The following LRFN3 variants were observed in gnomAD, a reference collection of about 807,000 sequenced individuals.
LRFN3 encodes leucine-rich repeat and fibronectin type-III domain-containing protein 3.
In LRFN3, 8 loss-of-function variants were observed where a neutral mutation model predicts 23.8. The observed-to-expected ratio is 0.34, with a 90% confidence interval of 0.20 to 0.61. The LOEUF (loss-of-function observed/expected upper bound fraction) is 0.61. Ranked by LOEUF, LRFN3 falls within the 20% of genes least tolerant of loss-of-function variation. LRFN3 has a pLI of 0.80. For synonymous variants in LRFN3, 451 were observed against 450.6 expected, an observed-to-expected ratio of 1.00 and a Z score of -0.01; for missense variants, 736 against 935.3, an observed-to-expected ratio of 0.79 and a Z score of 2.78.
At position 35,944,963 on chromosome 19, in the gene LRFN3, G is replaced by T. The variant is rs181219543; in HGVS notation, c.1831G>T (p.Val611Leu). The T allele has an allele frequency of 1.6e-5, 23 of 1,441,018 alleles. No homozygotes were observed. In the East Asian group the frequency reaches 6.2e-4, roughly 39 times the overall value. 89.3% of individuals were successfully genotyped at this position (1,441,018 alleles called of 1,614,324 possible). The stretch of plus-strand genomic sequence containing the variant: ...GCCCGCGGCGCTCAGGGCCCACACC[G>T]TGGTCCAGCTGGACTGCGAGCCCTG... Reference protein sequence around the residue: ...PEPAALRAHTVVQLDCEPWGP... With the variant: ...PEPAALRAHTLVQLDCEPWGP... Residue 611 changes from valine to leucine, a missense_variant, in exon 3 of 3, where the codon GTG (valine) becomes TTG (leucine). Physicochemically the swap from Val to Leu is conservative, Grantham distance 32. This residue lies in a region of LRFN3 where 290 missense variants were observed against 287.4 expected (regional missense o/e 1.01). Transcript: ENST00000246529. The surrounding 1 kb of genome is among the most constrained non-coding windows in gnomAD (Gnocchi z 4.5).
At chr19:35,942,517 G>A (rs566030108) in intron 2 of LRFN3, among the ~76,000 whole-genome samples, 18 of 152,242 alleles carry the variant, frequency 1.2e-4, no homozygotes, top group African/African-American at 1.7e-4. Flanking sequence ...GGCCAAGGGT[G>A]CAGCCCCAAG....
chr19:35,939,506 A>T lies in LRFN3; in HGVS notation c.81A>T (p.Pro27=). 6.2e-7 allele frequency: 1 copy of T among 1,606,102 alleles called. No homozygotes were observed. The highest frequency in any genetic ancestry group is 8.5e-7 in the Non-Finnish European group (1 of 1,179,088). ...CACCCCAGTCAGCCACACCCAGCCC[A>T]TGTCCCCGCCGCTGCCGCTGCCAGA... ...SSPPQSATPS[P]CPRRCRCQTQ... Residue 27 remains proline, a synonymous_variant, in exon 2 of 3, where the codon CCA becomes CCT. Transcript: ENST00000246529. This position sits in a 1 kb window ranked among gnomAD's most constrained non-coding sequence, Gnocchi z 6.4.
rs774405702 is a variant in LRFN3 at position 35,944,701 on chromosome 19, G to C, written c.1569G>C (p.Ala523=). The C allele has an allele frequency of 5.8e-5, 93 of 1,604,058 alleles. 2 individuals carry two copies. The South Asian group carries it at 9.8e-4, about 17-fold the overall frequency. Residue 523 remains alanine (A), a synonymous_variant, in exon 3 of 3, where the codon GCG becomes GCC. Transcript: ENST00000246529. The surrounding 1 kb of genome is among the most constrained non-coding windows in gnomAD (Gnocchi z 4.5). ...GCGCCCGCTTCTCCACCGAACCTGCGCTGCGGCCATGCGGGGCGCCGCACG... is the reference window on the plus strand; with the variant it reads ...GCGCCCGCTTCTCCACCGAACCTGCCCTGCGGCCATGCGGGGCGCCGCACG... ...VGCARFSTEP[A]LRPCGAPHAP...
In LRFN3 at chr19:35,945,192, C is replaced by A; in HGVS notation, c.*173C>A. The A allele has an allele frequency of 2.1e-6, 1 of 476,534 alleles. No homozygotes were observed. Among genetic ancestry groups the A allele is most frequent in the Non-Finnish European group, 3.6e-6 (1 of 275,792 alleles). The allele number at this position is 476,534 out of a possible 1,614,324, so 29.5% of individuals were successfully genotyped here. A position where few individuals can be genotyped will look rare whatever the true frequency, so the allele number is the denominator to read the frequency against. On this transcript the variant is annotated 3_prime_UTR_variant, in exon 3 of 3. Transcript: ENST00000246529. Reference sequence around the variant, plus strand: ...AAAGTCCTATTTTTCCAAGCTTGGGCGAAGACCCTTGCCCTCGTCTCTGTC... The same window carrying A: ...AAAGTCCTATTTTTCCAAGCTTGGGAGAAGACCCTTGCCCTCGTCTCTGTC...
In LRFN3 at chr19:35,944,151, C is replaced by G. The variant is rs1230281228; in HGVS notation, c.1416-397C>G. Reference sequence around the variant, plus strand: ...GCTGCAGTGAGCTGTGATCATGCCACTGCACTCCAGCTTGGGCAACAGAGC... The same window carrying G: ...GCTGCAGTGAGCTGTGATCATGCCAGTGCACTCCAGCTTGGGCAACAGAGC... On this transcript the variant is annotated intron_variant, in intron 2 of 2. Coordinates refer to ENST00000246529, the MANE Select transcript of LRFN3 (RefSeq NM_024509.2). This position sits in a 1 kb window ranked among gnomAD's most constrained non-coding sequence, Gnocchi z 4.5. 3.9e-5 allele frequency among the ~76,000 whole-genome samples: 6 copies of G among 152,310 alleles called. No individual in the cohort carries two copies. In the East Asian group the frequency reaches 7.7e-4, roughly 20 times the overall value.
intron 2 of LRFN3, among the ~76,000 whole-genome samples, chr19:35,943,991 A>T (rs1350877780): frequency 6.6e-6 from 1 of 152,148 alleles, no homozygotes; most frequent in Admixed American, 6.6e-5. Context: ...GGAGTTTGAG[A>T]CCAGCCTGGG....
chr19:35,944,632 T>C lies in LRFN3; in HGVS notation c.1500T>C (p.Tyr500=). 6.3e-7 allele frequency: 1 copy of C among 1,578,190 alleles called. No homozygotes were observed. The highest frequency in any genetic ancestry group is 8.6e-7 in the Non-Finnish European group (1 of 1,167,958). The change falls in exon 3 of 3, where the codon TAT becomes TAC. Residue 500 remains tyrosine, a synonymous_variant. Coordinates refer to ENST00000246529, the MANE Select transcript of LRFN3 (RefSeq NM_024509.2). The surrounding 1 kb of genome is among the most constrained non-coding windows in gnomAD (Gnocchi z 4.5). ...RTYDLCVLAV[Y]EDSATGLTAT... ...ACGATCTGTGCGTGCTCGCCGTGTA[T>C]GAGGACAGCGCCACGGGGCTCACGG... is the stretch of plus-strand genomic sequence containing the variant.
rs1027780834 is a variant in LRFN3, at chr19:35,945,029, C to T, written c.*10C>T. 1 of 1,361,638 alleles carries T rather than the reference C, an allele frequency of 7.3e-7. No individual in the cohort carries two copies. Among genetic ancestry groups the T allele is most frequent in the Non-Finnish European group, 9.4e-7 (1 of 1,061,250 alleles). The allele number at this position is 1,361,638 out of a possible 1,614,324, so 84.3% of individuals were successfully genotyped here. On this transcript the variant is annotated 3_prime_UTR_variant, in exon 3 of 3. Coordinates refer to ENST00000246529, the MANE Select transcript of LRFN3 (RefSeq NM_024509.2). ...ACCTGTGGGACCCTAGCCAGGCGCC[C>T]CCCCCTCTAAGGGTCCTCTGGCCCC...
intron 2 of LRFN3, 102 bp downstream of exon 2, chr19:35,940,942 G>A (rs1976114274): frequency 1.6e-5 from 22 of 1,391,862 alleles, no homozygotes; most frequent in Non-Finnish European, 2.1e-5. Flanking sequence ...CAACTGATAA[G>A]TGATGCTGGA....
At position 35,937,183 on chromosome 19, in the gene LRFN3, G is replaced by C. The variant is rs1269176960; in HGVS notation, c.-389G>C. 6.6e-6 allele frequency: 1 copy of C among 152,078 alleles called. No homozygotes were observed. Among genetic ancestry groups the C allele is most frequent in the African/African-American group, 2.4e-5 (1 of 41,406 alleles). 9.4% of individuals were successfully genotyped at this position (152,078 alleles called of 1,614,324 possible). A position where few individuals can be genotyped will look rare whatever the true frequency, so the allele number is the denominator to read the frequency against. On this transcript the variant is annotated 5_prime_UTR_variant, in exon 1 of 3. Coordinates refer to ENST00000246529, the MANE Select transcript of LRFN3 (RefSeq NM_024509.2). ...GCTGCAGACCTGAGTGCTTAAATCT[G>C]GGGCTTGAGACCTCCCAATCTTGAC...
Position 35,944,473 on chromosome 19 carries a change from A to G in LRFN3, c.1416-75A>G, listed in dbSNP as rs1976153224. ...GGACTGGTGGGAAGTCTAGCCCCGCAGGGAGTTTGGTGGGGGAAGCACAGG... is the reference window on the plus strand; with the variant it reads ...GGACTGGTGGGAAGTCTAGCCCCGCGGGGAGTTTGGTGGGGGAAGCACAGG... On this transcript the variant is annotated intron_variant, in intron 2 of 2. Coordinates refer to ENST00000246529, the MANE Select transcript of LRFN3 (RefSeq NM_024509.2). The surrounding 1 kb of genome is among the most constrained non-coding windows in gnomAD (Gnocchi z 4.5). 2.9e-6 allele frequency: 3 copies of G among 1,037,730 alleles called. No individual in the cohort carries two copies. The highest frequency in any genetic ancestry group is 2.6e-6 in the Non-Finnish European group (2 of 763,148). The allele number at this position is 1,037,730 out of a possible 1,614,324, so 64.3% of individuals were successfully genotyped here. A position where few individuals can be genotyped will look rare whatever the true frequency, so the allele number is the denominator to read the frequency against.
rs145812907 is a variant in LRFN3, at chr19:35,939,572, C to T, written c.147C>T (p.Gly49=). 7.7e-5 allele frequency: 124 copies of T among 1,608,552 alleles called. No individual in the cohort carries two copies. The African/African-American group carries it at 1.5e-3, about 19-fold the overall frequency. ...LPLSVLCPGA[G]LLFVPPSLDR... The stretch of plus-strand genomic sequence containing the variant: ...TAAGCGTGCTGTGCCCAGGGGCAGG[C>T]CTCCTGTTCGTGCCACCCTCGCTGG... Residue 49 remains glycine (G), a synonymous_variant, in exon 2 of 3, where the codon GGC becomes GGT. Transcript: ENST00000246529. The surrounding 1 kb of genome is among the most constrained non-coding windows in gnomAD (Gnocchi z 6.4).
intron 1 of LRFN3, among the ~76,000 whole-genome samples, chr19:35,938,997 T>TG (rs1357159220): frequency 3.3e-5 from 5 of 152,192 alleles, no homozygotes; most frequent in Non-Finnish European, 7.3e-5. Context: ...CACGCTCTGT[T>TG]GCCCAGGCTG....
chr19:35,945,094 C>T lies in LRFN3; in HGVS notation c.*75C>T. The T allele has an allele frequency of 1.2e-6, 1 of 851,556 alleles. No homozygotes were observed. Among genetic ancestry groups the T allele is most frequent in the Non-Finnish European group, 1.7e-6 (1 of 605,226 alleles). The allele number at this position is 851,556 out of a possible 1,614,324, so 52.8% of individuals were successfully genotyped here. On this transcript the variant is annotated 3_prime_UTR_variant, in exon 3 of 3. Coordinates refer to ENST00000246529, the MANE Select transcript of LRFN3 (RefSeq NM_024509.2). ...CCGGACACCCTGTGGGACCTGGCCT[C>T]AAACTCACCAAATCGCTCATGGTTT... is the stretch of plus-strand genomic sequence containing the variant.
chr19:35,939,360 G>C lies in LRFN3; in HGVS notation c.-16-50G>C, dbSNP rs533333453. 1.1e-5 allele frequency: 17 copies of C among 1,516,168 alleles called. No homozygotes were observed. The East Asian group carries it at 3.4e-4, about 30-fold the overall frequency. 93.9% of individuals were successfully genotyped at this position (1,516,168 alleles called of 1,614,324 possible). On this transcript the variant is annotated intron_variant, in intron 1 of 2. Coordinates refer to ENST00000246529, the MANE Select transcript of LRFN3 (RefSeq NM_024509.2). The surrounding 1 kb of genome is among the most constrained non-coding windows in gnomAD (Gnocchi z 6.4). ...CTCTCCTGGTCTCAGACCACCCCCA[G>C]CCCCTGCAGAACCCCTCTTCTGCCC...
Position 35,941,854 on chromosome 19 carries a change from G to A in LRFN3, c.1415+1014G>A, listed in dbSNP as rs7253501. ...CTCCCAAAGTGCTGGGATTACAGGC[G>A]TGAACCACCACACCCAGTGTAGATT... On this transcript the variant is annotated intron_variant, in intron 2 of 2. Coordinates refer to ENST00000246529, the MANE Select transcript of LRFN3 (RefSeq NM_024509.2). 2.1e-3 allele frequency among the ~76,000 whole-genome samples: 321 copies of A among 150,300 alleles called. 1 individual carries two copies. Among genetic ancestry groups the A allele is most frequent in the African/African-American group, 6.2e-3 (252 of 40,742 alleles).
rs1444378842 is a variant in LRFN3, at chr19:35,946,447, G to C, written c.*1428G>C. Among the ~76,000 whole-genome samples, 1 of 151,890 alleles carries C rather than the reference G, an allele frequency of 6.6e-6. No homozygotes were observed. Among genetic ancestry groups the C allele is most frequent in the Non-Finnish European group, 1.5e-5 (1 of 67,992 alleles). ...AGCCTCCTGAATTGCTGGGATTACA[G>C]GCATGAGCCACTGCCCCTGGCTAGG... is the stretch of plus-strand genomic sequence containing the variant. On this transcript the variant is annotated 3_prime_UTR_variant, in exon 3 of 3. Coordinates refer to ENST00000246529, the MANE Select transcript of LRFN3 (RefSeq NM_024509.2).
Position 35,939,873 on chromosome 19 carries a change from G to T in LRFN3, c.448G>T (p.Ala150Ser). ...CCAGCTGGCAGCGCTGGCGGCCGGC[G>T]CCCTGGATGATTGTGCCGAGACACT... ...NNQLAALAAG[A>S]LDDCAETLED... Residue 150 changes from alanine (A) to serine (S), a missense_variant, in exon 2 of 3, where the codon GCC (alanine) becomes TCC (serine). Ala to Ser is a moderately conservative substitution (Grantham distance 99). Coordinates refer to ENST00000246529, the MANE Select transcript of LRFN3 (RefSeq NM_024509.2). The surrounding 1 kb of genome is among the most constrained non-coding windows in gnomAD (Gnocchi z 6.4). The T allele has an allele frequency of 6.2e-7, 1 of 1,601,184 alleles. No homozygotes were observed. Among genetic ancestry groups the T allele is most frequent in the East Asian group, 2.2e-5 (1 of 44,842 alleles).
In LRFN3 at chr19:35,946,460, G is replaced by C. The variant is rs1976179474; in HGVS notation, c.*1441G>C. Among the ~76,000 whole-genome samples the C allele has an allele frequency of 1.3e-5, 2 of 151,770 alleles. No individual in the cohort carries two copies. Among genetic ancestry groups the C allele is most frequent in the Non-Finnish European group, 2.9e-5 (2 of 67,968 alleles). On this transcript the variant is annotated 3_prime_UTR_variant, in exon 3 of 3. Coordinates refer to ENST00000246529, the MANE Select transcript of LRFN3 (RefSeq NM_024509.2). ...GCTGGGATTACAGGCATGAGCCACT[G>C]CCCCTGGCTAGGGACTTTCCATATT...
Sources: gnomAD v4.1 joint callset for allele counts (sites outside exome capture counted in the v4.1 genomes callset) on GRCh38, gnomAD v4.1.1 for gene constraint, gnomAD v4.1.1 regional missense constraint, Gnocchi (gnomAD v3.1) non-coding constraint, MANE v1.5 for transcripts, NCBI Gene and HGNC (gene_info 2026-07-23, HGNC 2026-07-21) for gene names.